Variants in ANK2 observed in about 807,000 individuals in gnomAD.
ANK2 encodes ankyrin 2.
ANK2 carries 83 observed loss-of-function variants against 360.5 expected under a neutral mutation model. That is an observed-to-expected ratio of 0.23 (90% CI 0.19 to 0.28). The LOEUF is 0.28. Among genes scored for constraint, ANK2 ranks in the 10% least tolerant of loss-of-function variants. The probability of loss-of-function intolerance (pLI) is 1.00; values close to 1 mark genes in which losing one functional copy is unlikely to be tolerated. For missense variants in ANK2, 4,201 were observed against 4,795.7 expected (o/e 0.88, Z 3.66); for synonymous variants, 1,740 against 1,759.5 (o/e 0.99, Z 0.28).
chr4:113,105,930 C>T (rs1173666779), intron 1 of ANK2, among the ~76,000 whole-genome samples: 1 of 151,936 alleles, frequency 6.6e-6, no homozygotes, highest in Non-Finnish European at 1.5e-5. Context: ...AATCCTTAAC[C>T]CCATTAGAGA....
At position 113,258,427 on chromosome 4, in the gene ANK2, G is replaced by T. The variant is rs1239861923; in HGVS notation, c.1386+16G>T. ...CACTAACATTGTGAGTATGGCTTGG[G>T]TCAGAATAACCCCAGGGAGGAAGAG... On this transcript the variant is annotated intron_variant, in intron 13 of 45. Coordinates refer to ENST00000357077, the MANE Select transcript of ANK2 (RefSeq NM_001148.6). 1.9e-6 allele frequency: 3 copies of T among 1,604,710 alleles called. No individual in the cohort carries two copies. Among genetic ancestry groups the T allele is most frequent in the Non-Finnish European group, 2.6e-6 (3 of 1,171,648 alleles).
chr4:113,289,885 C>T (rs2066682715), intron 20 of ANK2, among the ~76,000 whole-genome samples: 1 of 152,124 alleles, frequency 6.6e-6, no homozygotes, highest in African/African-American at 2.4e-5. Flanking sequence ...GCTCCTAAAG[C>T]CTTTTCTGAT....
At chr4:113,051,752 CA>C (rs1296176699) in intron 1 of ANK2, among the ~76,000 whole-genome samples, 1 of 152,044 alleles carries the variant, frequency 6.6e-6, no homozygotes, top group Non-Finnish European at 1.5e-5. Flanking sequence ...GTTTGGAGCA[CA>C]TCATTTAATT....
intron 1 of ANK2, among the ~76,000 whole-genome samples, chr4:113,147,763 T>C (rs1254000497): frequency 6.6e-6 from 1 of 152,220 alleles, no homozygotes; most frequent in Non-Finnish European, 1.5e-5. Flanking sequence ...TCCTCTGAAA[T>C]GAGCTTGGCT....
At chr4:113,381,430 A>G (rs961045344) in intron 45 of ANK2, 27 bp from the exon 46 acceptor site, 68 of 1,613,786 alleles carry the variant, frequency 4.2e-5, no homozygotes, top group Non-Finnish European at 5.7e-5. Flanking sequence ...AAAAGAGCGT[A>G]ATTCTCTCTT....
At chr4:113,173,782 A>G (rs1315451938) in intron 1 of ANK2, among the ~76,000 whole-genome samples, 1 of 152,134 alleles carries the variant, frequency 6.6e-6, no homozygotes, top group Non-Finnish European at 1.5e-5. Context: ...GGTGGTTTAA[A>G]TTTAATCATG....
chr4:113,008,523 A>C (rs563319643), intron 2 of ANK2, among the ~76,000 whole-genome samples: 2 of 152,334 alleles, frequency 1.3e-5, no homozygotes, highest in African/African-American at 4.8e-5. Flanking sequence ...CACATGATAA[A>C]TGATATAAGA....
At chr4:113,336,483 T>C (rs1212537774) in intron 30 of ANK2, 94 bp from the exon 31 acceptor site, 2 of 1,218,518 alleles carry the variant, frequency 1.6e-6, no homozygotes, top group Non-Finnish European at 2.3e-6. Context: ...TAAAAAATAC[T>C]TTGGGGAAGA....
In ANK2 at chr4:112,957,815, G is replaced by T. The variant is rs867123127; in HGVS notation, c.21+53301G>T. On this transcript the variant is annotated intron_variant, in intron 2 of 30. Transcript: ENST00000503271. ...TTCTCAGACGGGGCGGCTGCCGGGC[G>T]GAGGGGCTCCTCACTTCTCAGACGG... Among the ~76,000 whole-genome samples the T allele has an allele frequency of 2.1e-5, 3 of 145,370 alleles. No individual in the cohort carries two copies. The East Asian group carries it at 6.2e-4, about 30-fold the overall frequency.
intron 22 of ANK2, among the ~76,000 whole-genome samples, chr4:113,300,097 C>T (rs1370060038): frequency 6.6e-6 from 1 of 151,862 alleles, no homozygotes; most frequent in Non-Finnish European, 1.5e-5. Context: ...TTATAATAGT[C>T]TTTTTGAGTT....
At chr4:112,783,200 C>T in the ANK2 span, among the ~76,000 whole-genome samples, 351 of 152,306 alleles carry the variant, frequency 2.3e-3, 1 homozygote, top group Middle Eastern at 6.8e-3. Flanking sequence ...TGAGCCACCT[C>T]GCCTGGCCTA....
At position 113,365,046 on chromosome 4, in the gene ANK2, C is replaced by G. The variant is rs1356610948; in HGVS notation, c.10896C>G (p.Asn3632Lys). The change falls in exon 41 of 46, where the codon AAC becomes AAG. Residue 3632 changes from asparagine to lysine, a missense_variant. By Grantham distance (94) the Asn-to-Lys change is moderately conservative. This residue lies in a region of ANK2 where 2,642 missense variants were observed against 2,714.5 expected (regional missense o/e 0.97). Transcript: ENST00000357077. ...ERDGKHATDT[N>K]LVECLTKINR... ...GTTTCTCTAATGTGTCAGATACCAA[C>G]CTCGTTGAATGTCTCACCAAGATCA... is the stretch of plus-strand genomic sequence containing the variant. 6.2e-7 allele frequency: 1 copy of G among 1,613,778 alleles called. No homozygotes were observed. Among genetic ancestry groups the G allele is most frequent in the East Asian group, 2.2e-5 (1 of 44,874 alleles).
At chr4:112,732,135 C>T in the ANK2 span, among the ~76,000 whole-genome samples, 3 of 152,260 alleles carry the variant, frequency 2.0e-5, no homozygotes, top group South Asian at 6.2e-4. Context: ...GCTGGTTAAA[C>T]ATCTACCAGC....
At chr4:113,231,446 G>A (rs2099303938) in intron 4 of ANK2, among the ~76,000 whole-genome samples, 1 of 152,098 alleles carries the variant, frequency 6.6e-6, no homozygotes, top group African/African-American at 2.4e-5. Context: ...ACTAAACTCT[G>A]TATATTCAAG....
the ANK2 span, among the ~76,000 whole-genome samples, chr4:112,792,177 G>A: frequency 6.6e-6 from 1 of 151,716 alleles, no homozygotes; most frequent in Non-Finnish European, 1.5e-5. Flanking sequence ...GAGTAGCTGG[G>A]ATTACAGGCA....
chr4:112,915,191 A>C (rs1255507163), intron 2 of ANK2, among the ~76,000 whole-genome samples: 1 of 152,190 alleles, frequency 6.6e-6, no homozygotes, highest in African/African-American at 2.4e-5. Context: ...TACAGCTTAC[A>C]TATTTTTTAG....
intron 4 of ANK2, among the ~76,000 whole-genome samples, chr4:113,222,516 C>G (rs1220030517): frequency 6.6e-6 from 1 of 151,688 alleles, no homozygotes; most frequent in Non-Finnish European, 1.5e-5. Flanking sequence ...CCTGCCTCAG[C>G]CTTTTTGAGT....
At chr4:113,318,163 C>A (rs966965864) in intron 25 of ANK2, among the ~76,000 whole-genome samples, 5 of 152,098 alleles carry the variant, frequency 3.3e-5, no homozygotes. Context: ...TAAGTTATAT[C>A]TTTCAATATT....
At chr4:113,260,650 A>C (rs1255932666) in intron 13 of ANK2, among the ~76,000 whole-genome samples, 2 of 152,234 alleles carry the variant, frequency 1.3e-5, no homozygotes, top group Non-Finnish European at 2.9e-5. Context: ...TAGTTAAGAC[A>C]TAGTAAAATA....
Sources: gnomAD v4.1 joint callset for allele counts (sites outside exome capture counted in the v4.1 genomes callset) on GRCh38, gnomAD v4.1.1 for gene constraint, gnomAD v4.1.1 regional missense constraint, MANE v1.5 for transcripts, NCBI Gene and HGNC (gene_info 2026-07-23, HGNC 2026-07-21) for gene names.